Variants in XKR4 observed in about 807,000 individuals in gnomAD.
The protein encoded by XKR4 is XK related 4.
XKR4 carries 12 observed loss-of-function variants against 53.9 expected under a neutral mutation model. The ratio of observed to expected loss-of-function variants is 0.22; its 90% CI spans 0.14 to 0.36. XKR4 has a LOEUF of 0.36. Ranked by LOEUF, XKR4 falls within the 10% of genes least tolerant of loss-of-function variation. The pLI is 1.00. For synonymous variants in XKR4, 354 were observed against 362.4 expected (o/e 0.98, Z 0.26); for missense variants, 799 against 859.5 (o/e 0.93, Z 0.88).
chr8:55,340,953 T>C lies in XKR4; in HGVS notation c.807-16725T>C, dbSNP rs144267091. ...CCTGATAATCGACAACCTGAAGAAC[T>C]CAAAAGAAGAATCAAGACACAGTGG... On this transcript the variant is annotated intron_variant, in intron 1 of 2. Coordinates refer to ENST00000327381, the MANE Select transcript of XKR4 (RefSeq NM_052898.2). Among the ~76,000 whole-genome samples, 1,321 of 152,218 alleles carry C rather than the reference T, an allele frequency of 8.7e-3. 24 individuals carry two copies. The highest frequency in any genetic ancestry group is 0.029 in the African/African-American group (1,221 of 41,526).
chr8:55,446,738 A>G (rs996163520), intron 2 of XKR4, among the ~76,000 whole-genome samples: 4 of 152,154 alleles, frequency 2.6e-5, no homozygotes, highest in Non-Finnish European at 4.4e-5. Flanking sequence ...TTATGTTTTC[A>G]CCATCAGACA....
At chr8:55,350,738 C>CTTTTTTTTTTTTTTTTT (rs1028164969) in intron 1 of XKR4, among the ~76,000 whole-genome samples, 6 of 122,440 alleles carry the variant, frequency 4.9e-5, no homozygotes, top group African/African-American at 9.2e-5. Context: ...TTTTTCTTTT[C>CTTTTTTTTTTTTTTTTT]TTTTTTTTTT....
intron 1 of XKR4, among the ~76,000 whole-genome samples, chr8:55,273,435 C>T (rs1231866875): frequency 2.0e-5 from 3 of 152,124 alleles, no homozygotes; most frequent in Non-Finnish European, 4.4e-5. Flanking sequence ...TCCTTCTTGC[C>T]TGGGGACTAG....
intron 2 of XKR4, among the ~76,000 whole-genome samples, chr8:55,448,516 G>A (rs956231062): frequency 6.6e-6 from 1 of 152,262 alleles, no homozygotes. Context: ...TCATAAGTGA[G>A]ATGGTTTTAA....
intron 1 of XKR4, among the ~76,000 whole-genome samples, chr8:55,318,607 T>C (rs930217657): frequency 1.5e-4 from 23 of 152,228 alleles, no homozygotes; most frequent in African/African-American, 5.3e-4. Context: ...AGATTAATGC[T>C]TGCTACCTGG....
At chr8:55,374,294 C>G (rs1362943682) in intron 2 of XKR4, among the ~76,000 whole-genome samples, 2 of 152,240 alleles carry the variant, frequency 1.3e-5, no homozygotes, top group Non-Finnish European at 2.9e-5. Context: ...ACACCATTCA[C>G]CCTTGAAGGG....
chr8:55,367,212 TAAATAG>T (rs1351342087), intron 2 of XKR4, among the ~76,000 whole-genome samples: 1 of 151,914 alleles, frequency 6.6e-6, no homozygotes. Flanking sequence ...GACCTTTATA[TAAATAG>T]AAACATACAT....
chr8:55,421,198 T>C (rs1804923437), intron 2 of XKR4, among the ~76,000 whole-genome samples: 1 of 152,244 alleles, frequency 6.6e-6, no homozygotes, highest in Non-Finnish European at 1.5e-5. Flanking sequence ...CTTTCACATA[T>C]GTTATCCTCT....
At chr8:55,127,059 G>A (rs1197132869) in intron 1 of XKR4, among the ~76,000 whole-genome samples, 2 of 152,156 alleles carry the variant, frequency 1.3e-5, no homozygotes, top group Non-Finnish European at 2.9e-5. Context: ...TGAGTCCTGT[G>A]CTAGTGGGTT....
chr8:55,145,002 T>A (rs1816752956), intron 1 of XKR4, among the ~76,000 whole-genome samples: 1 of 151,918 alleles, frequency 6.6e-6, no homozygotes, highest in Non-Finnish European at 1.5e-5. Flanking sequence ...CGACTGATTT[T>A]TGTATTTTTA....
At chr8:55,385,286 G>T (rs1172605771) in intron 2 of XKR4, among the ~76,000 whole-genome samples, 2 of 152,088 alleles carry the variant, frequency 1.3e-5, no homozygotes, top group Non-Finnish European at 1.5e-5. Context: ...CTGCGGACAG[G>T]CTTCAGAACT....
chr8:55,290,418 CTTTAT>C (rs764815409), intron 1 of XKR4, among the ~76,000 whole-genome samples: 4 of 152,086 alleles, frequency 2.6e-5, no homozygotes, highest in South Asian at 2.1e-4. Flanking sequence ...GCACGAGCCA[CTTTAT>C]TTTATTTTAT....
intron 1 of XKR4, among the ~76,000 whole-genome samples, chr8:55,314,168 T>C (rs1334096962): frequency 6.6e-6 from 1 of 152,222 alleles, no homozygotes; most frequent in Non-Finnish European, 1.5e-5. Context: ...GCTTGTGAAC[T>C]TGGCAGACCC....
At chr8:55,239,331 A>G (rs1818175983) in intron 1 of XKR4, among the ~76,000 whole-genome samples, 2 of 152,240 alleles carry the variant, frequency 1.3e-5, no homozygotes, top group African/African-American at 4.8e-5. Context: ...AAAGGAAGGC[A>G]ACAGATCAAT....
intron 1 of XKR4, among the ~76,000 whole-genome samples, chr8:55,145,012 A>G (rs1231428023): frequency 4.0e-5 from 6 of 151,866 alleles, no homozygotes; most frequent in Non-Finnish European, 8.8e-5. Flanking sequence ...TTGTATTTTT[A>G]GTAGAAACAG....
chr8:55,373,083 T>A (rs1368964630), intron 2 of XKR4, among the ~76,000 whole-genome samples: 1 of 152,230 alleles, frequency 6.6e-6, no homozygotes, highest in Admixed American at 6.5e-5. Context: ...ACTTTCATTG[T>A]GATCTTAAAT....
rs749099492 is a variant in XKR4, at chr8:55,102,745, C to G, written c.257C>G (p.Pro86Arg). Residue 86 changes from proline to arginine, a missense_variant, in exon 1 of 3, where the codon CCG becomes CGG. Transcript: ENST00000327381. The surrounding 1 kb of genome is among the most constrained non-coding windows in gnomAD (Gnocchi z 5.1). ...GGCGGCTCCGGCGGCGTCGCCGGCC[C>G]GGGCGGCGGCGGGGCGGGCTCGGCT... ...GSGGSGGVAG[P>R]GGGGAGSAAL... The G allele has an allele frequency of 9.8e-5, 120 of 1,223,702 alleles. No homozygotes were observed. The African/African-American group carries it at 1.7e-3, about 17-fold the overall frequency. The allele number at this position is 1,223,702 out of a possible 1,614,324, so 75.8% of individuals were successfully genotyped here. A position where few individuals can be genotyped will look rare whatever the true frequency, so the allele number is the denominator to read the frequency against.
Position 55,525,746 on chromosome 8 carries a change from T to A in XKR4, c.*1519T>A, listed in dbSNP as rs1794709098. The A allele has an allele frequency of 6.6e-6, 1 of 152,638 alleles. No homozygotes were observed. Among genetic ancestry groups the A allele is most frequent in the Non-Finnish European group, 1.5e-5 (1 of 68,034 alleles). The allele number at this position is 152,638 out of a possible 1,614,324, so 9.5% of individuals were successfully genotyped here. On this transcript the variant is annotated 3_prime_UTR_variant, in exon 3 of 3. Coordinates refer to ENST00000327381, the MANE Select transcript of XKR4 (RefSeq NM_052898.2). ...TTCAATATTTTTGTAATAAAAAATA[T>A]AGGGTATACACATAGGCATCATCAC...
intron 1 of XKR4, chr8:55,163,987 A>T (rs1000663097): frequency 4.6e-5 from 14 of 305,294 alleles, no homozygotes; most frequent in Non-Finnish European, 7.9e-5. Context: ...GCCTGCGTGC[A>T]TATGCTAGCA....
Sources: gnomAD v4.1 joint callset for allele counts (sites outside exome capture counted in the v4.1 genomes callset) on GRCh38, gnomAD v4.1.1 for gene constraint, Gnocchi (gnomAD v3.1) non-coding constraint, MANE v1.5 for transcripts, NCBI Gene and HGNC (gene_info 2026-07-23, HGNC 2026-07-21) for gene names.